The following CBX8 variants were observed in gnomAD, a reference collection of about 807,000 sequenced individuals.
CBX8 encodes the protein chromobox 8.
CBX8 carries 8 observed loss-of-function variants against 39.7 expected under a neutral mutation model. The observed-to-expected ratio is 0.20, with a 90% CI of 0.12 to 0.36. The LOEUF (loss-of-function observed/expected upper bound fraction) is 0.36. Ranked by LOEUF, CBX8 falls within the 10% of genes least tolerant of loss-of-function variation. The pLI, the probability that CBX8 is intolerant of heterozygous loss-of-function variation, is 1.00. For synonymous variants in CBX8, 268 were observed against 219.8 expected, an observed-to-expected ratio of 1.22 and a Z score of -1.94; for missense variants, 505 against 529.6, an observed-to-expected ratio of 0.95 and a Z score of 0.46.
rs759779387 is a variant in CBX8, at chr17:79,795,413, G to A, written c.392C>T (p.Pro131Leu). ...REGLRNMGLSPPASSTSTSST... is the reference protein window; with the variant it reads ...REGLRNMGLSLPASSTSTSST... Reference sequence around the variant, plus strand: ...GCTGGTGCTGGTGCTGCTCGCTGGCGGGGACAAACCCATGTTTCGAAGGCC... The same window carrying A: ...GCTGGTGCTGGTGCTGCTCGCTGGCAGGGACAAACCCATGTTTCGAAGGCC... Residue 131 changes from proline (P) to leucine (L), a missense_variant, in exon 5 of 5, where the codon CCG (proline) becomes CTG (leucine). Physicochemically the swap from Pro to Leu is moderately conservative, Grantham distance 98. This residue lies in a region of CBX8 where 456 missense variants were observed against 389.2 expected (regional missense o/e 1.17). Transcript: ENST00000269385. The surrounding 1 kb of genome is among the most constrained non-coding windows in gnomAD (Gnocchi z 5.8). 8 of 1,604,088 alleles carry A rather than the reference G, an allele frequency of 5.0e-6. No individual in the cohort carries two copies. The South Asian group carries it at 6.7e-5, about 13-fold the overall frequency.
At position 79,793,303 on chromosome 17, in the gene CBX8, A is replaced by G. The variant is rs1907944557; in HGVS notation, c.*1332T>C. 1 of 152,090 alleles carries G rather than the reference A, an allele frequency of 6.6e-6. No homozygotes were observed. The highest frequency in any genetic ancestry group is 1.5e-5 in the Non-Finnish European group (1 of 68,006). 9.4% of individuals were successfully genotyped at this position (152,090 alleles called of 1,614,324 possible). On this transcript the variant is annotated 3_prime_UTR_variant, in exon 5 of 5. Coordinates refer to ENST00000269385, the MANE Select transcript of CBX8 (RefSeq NM_020649.3). ...TGCGAATCGAAAAGACCTATAAATT[A>G]TAGCTTTTGCTTTTAAGAAGGACGG...
In CBX8 at chr17:79,796,861, G is replaced by C. The variant is rs572924294; in HGVS notation, c.69+69C>G. 4.5e-4 allele frequency: 651 copies of C among 1,433,456 alleles called. 4 individuals carry two copies. The African/African-American group carries it at 8.4e-3, about 18-fold the overall frequency. The allele number at this position is 1,433,456 out of a possible 1,614,324, so 88.8% of individuals were successfully genotyped here. A position where few individuals can be genotyped will look rare whatever the true frequency, so the allele number is the denominator to read the frequency against. ...GGGGAAGGGAAGCTGGGCTGCAGCA[G>C]GGGGAGGGAACCCGGGCCGGGAGGG... On this transcript the variant is annotated intron_variant, in intron 1 of 4. Transcript: ENST00000269385.
At position 79,794,962 on chromosome 17, in the gene CBX8, C is replaced by A; in HGVS notation, c.843G>T (p.Pro281=). The A allele has an allele frequency of 6.2e-7, 1 of 1,604,800 alleles. No individual in the cohort carries two copies. The highest frequency in any genetic ancestry group is 1.1e-5 in the South Asian group (1 of 89,896). Residue 281 remains proline, a synonymous_variant, in exon 5 of 5, where the codon CCG becomes CCT. Transcript: ENST00000269385. ...ATGKLAVDTF[P]ARVIKHRAAF... ...CAGCCCTGTGCTTTATCACCCTGGCCGGGAAGGTGTCCACAGCCAGTTTGC... is the reference window on the plus strand; with the variant it reads ...CAGCCCTGTGCTTTATCACCCTGGCAGGGAAGGTGTCCACAGCCAGTTTGC...
chr17:79,794,477 G>A lies in CBX8; in HGVS notation c.*158C>T, dbSNP rs1470023373. On this transcript the variant is annotated 3_prime_UTR_variant, in exon 5 of 5. Coordinates refer to ENST00000269385, the MANE Select transcript of CBX8 (RefSeq NM_020649.3). Reference sequence around the variant, plus strand: ...AGATAATCTTTCCAACAAAAACTGAGGGGGAGGAAGGAGGGATGAAAGGGG... The same window carrying A: ...AGATAATCTTTCCAACAAAAACTGAAGGGGAGGAAGGAGGGATGAAAGGGG... 3.9e-6 allele frequency: 2 copies of A among 517,720 alleles called. No homozygotes were observed. The highest frequency in any genetic ancestry group is 2.9e-5 in the East Asian group (1 of 34,326). The allele number at this position is 517,720 out of a possible 1,614,324, so 32.1% of individuals were successfully genotyped here.
At position 79,796,916 on chromosome 17, in the gene CBX8, C is replaced by A; in HGVS notation, c.69+14G>T. 6.2e-7 allele frequency: 1 copy of A among 1,603,006 alleles called. No homozygotes were observed. The highest frequency in any genetic ancestry group is 8.5e-7 in the Non-Finnish European group (1 of 1,176,300). On this transcript the variant is annotated intron_variant, in intron 1 of 4. Coordinates refer to ENST00000269385, the MANE Select transcript of CBX8 (RefSeq NM_020649.3). The stretch of plus-strand genomic sequence containing the variant: ...GCCCGGCCGCACGGAGGCCCTAGGC[C>A]CGGGGGCACCTACTTTCCGTATGCG...
Position 79,796,171 on chromosome 17 carries a change from G to A in CBX8, c.180-48C>T, listed in dbSNP as rs765693845. 11 of 1,612,268 alleles carry A rather than the reference G, an allele frequency of 6.8e-6. No homozygotes were observed. The Admixed American group carries it at 1.7e-4, about 24-fold the overall frequency. Reference sequence around the variant, plus strand: ...AAGGGTGCGTGAGTAAAGAAAGCAAGTGGGACTCTAGTCCAGGCTGGAAAG... The same window carrying A: ...AAGGGTGCGTGAGTAAAGAAAGCAAATGGGACTCTAGTCCAGGCTGGAAAG... On this transcript the variant is annotated intron_variant, in intron 3 of 4. Transcript: ENST00000269385.
Position 79,795,384 on chromosome 17 carries a change from T to C in CBX8, c.421A>G (p.Thr141Ala). 6.2e-7 allele frequency: 1 copy of C among 1,600,058 alleles called. No homozygotes were observed. The highest frequency in any genetic ancestry group is 1.7e-5 in the Admixed American group (1 of 57,636). The change falls in exon 5 of 5, where the codon ACC (threonine) becomes GCC (alanine). Residue 141 changes from threonine (T) to alanine (A), a missense_variant. Thr to Ala is a moderately conservative substitution (Grantham distance 58). Transcript: ENST00000269385. This position sits in a 1 kb window ranked among gnomAD's most constrained non-coding sequence, Gnocchi z 5.8. The stretch of plus-strand genomic sequence containing the variant: ...TCCCGAGGGGCCTCTGCGCGGCAGG[T>C]GCTGCTGGTGCTGGTGCTGCTCGCT... ...PPASSTSTSS[T>A]CRAEAPRDRD...
rs1192344392 is a variant in CBX8, at chr17:79,792,877, C to A, written c.*1758G>T. On this transcript the variant is annotated 3_prime_UTR_variant, in exon 5 of 5. Coordinates refer to ENST00000269385, the MANE Select transcript of CBX8 (RefSeq NM_020649.3). ...CGAGGCTGGGGTTCCCTCCCAGCAC[C>A]CCCCACCCCACGCGAAGCTCCCCCA... is the stretch of plus-strand genomic sequence containing the variant. 1 of 151,978 alleles carries A rather than the reference C, an allele frequency of 6.6e-6. No homozygotes were observed. Among genetic ancestry groups the A allele is most frequent in the African/African-American group, 2.4e-5 (1 of 41,380 alleles). 9.4% of individuals were successfully genotyped at this position (151,978 alleles called of 1,614,324 possible).
Position 79,794,833 on chromosome 17 carries a change from C to T in CBX8, c.972G>A (p.Met324Ile), listed in dbSNP as rs1180448427. ...GGGAGGGCCTTCCCCCCTGGGCCCC[C>T]ATGTCCCGGTACAGGCCCCCCCCAG... ...PSSGGGLYRD[M>I]GAQGGRPSLI... The change falls in exon 5 of 5, where the codon ATG becomes ATA. Residue 324 changes from methionine to isoleucine, a missense_variant. Physicochemically the swap from Met to Ile is conservative, Grantham distance 10. Coordinates refer to ENST00000269385, the MANE Select transcript of CBX8 (RefSeq NM_020649.3). The T allele has an allele frequency of 1.2e-6, 2 of 1,609,596 alleles. No homozygotes were observed. The highest frequency in any genetic ancestry group is 3.3e-4 in the Middle Eastern group (2 of 5,974).
chr17:79,792,918 C>T lies in CBX8; in HGVS notation c.*1717G>A, dbSNP rs1181031916. 3 of 152,004 alleles carry T rather than the reference C, an allele frequency of 2.0e-5. No homozygotes were observed. The highest frequency in any genetic ancestry group is 7.2e-5 in the African/African-American group (3 of 41,396). 9.4% of individuals were successfully genotyped at this position (152,004 alleles called of 1,614,324 possible). A position where few individuals can be genotyped will look rare whatever the true frequency, so the allele number is the denominator to read the frequency against. Reference sequence around the variant, plus strand: ...AGCTCCCCCACCCCCGACTCCCCGCCTCGCTCCCCCCGAGTCTGTGCTTCC... The same window carrying T: ...AGCTCCCCCACCCCCGACTCCCCGCTTCGCTCCCCCCGAGTCTGTGCTTCC... On this transcript the variant is annotated 3_prime_UTR_variant, in exon 5 of 5. Coordinates refer to ENST00000269385, the MANE Select transcript of CBX8 (RefSeq NM_020649.3).
In CBX8 at chr17:79,795,045, G is replaced by A; in HGVS notation, c.760C>T (p.Gln254Ter). The A allele has an allele frequency of 6.2e-7, 1 of 1,607,434 alleles. No homozygotes were observed. The highest frequency in any genetic ancestry group is 8.5e-7 in the Non-Finnish European group (1 of 1,176,726). ...GHSVIQLARR[Q>*]DSDLVQCGVT... is the part of the protein sequence containing the mutation. ...CCACACTGCACCAGGTCCGAGTCCT[G>A]TCTTCGGGCCAGCTGGATCACACTG... Residue 254 changes from glutamine (Q) to a stop codon, truncating the protein, a stop_gained, in exon 5 of 5, where the codon CAG becomes TAG. Coordinates refer to ENST00000269385, the MANE Select transcript of CBX8 (RefSeq NM_020649.3). LOFTEE classifies it high-confidence loss of function. The surrounding 1 kb of genome is among the most constrained non-coding windows in gnomAD (Gnocchi z 5.8).
intron 2 of CBX8, 28 bp from the exon 3 acceptor site, chr17:79,796,343 T>C (rs781418937): frequency 6.2e-7 from 1 of 1,612,782 alleles, no homozygotes; most frequent in African/African-American, 1.3e-5. Flanking sequence ...GAAGTGGGCA[T>C]CAGTCCCAGG....
At position 79,793,781 on chromosome 17, in the gene CBX8, T is replaced by G. The variant is rs1381670592; in HGVS notation, c.*854A>C. 6.6e-6 allele frequency: 1 copy of G among 152,258 alleles called. No homozygotes were observed. The allele number at this position is 152,258 out of a possible 1,614,324, so 9.4% of individuals were successfully genotyped here. A position where few individuals can be genotyped will look rare whatever the true frequency, so the allele number is the denominator to read the frequency against. ...GCAATCCTCCCAATTTATCCTGGCA[T>G]TTCGGGAATGTAAACAGATTCGCTG... On this transcript the variant is annotated 3_prime_UTR_variant, in exon 5 of 5. Transcript: ENST00000269385.
chr17:79,796,386 T>G, intron 2 of CBX8, 71 bp from the exon 3 acceptor site: 2 of 1,594,306 alleles, frequency 1.3e-6, no homozygotes, highest in Non-Finnish European at 1.7e-6. Flanking sequence ...TGTGTGTGTG[T>G]GTAACTTTTC....
chr17:79,794,855 C>A lies in CBX8; in HGVS notation c.950G>T (p.Gly317Val), dbSNP rs4889891. ...VRHGSGPPSS[G>V]GGLYRDMGAQ... is the part of the protein sequence containing the mutation. ...CCCCATGTCCCGGTACAGGCCCCCC[C>A]CAGAGCTGGGGGGGCCTGAGCCATG... is the stretch of plus-strand genomic sequence containing the variant. Residue 317 changes from glycine to valine, a missense_variant, in exon 5 of 5, where the codon GGG becomes GTG. Around this residue, in one of 3 missense-constraint regions of CBX8, gnomAD observed 456 missense variants for 389.2 expected, o/e 1.17. Coordinates refer to ENST00000269385, the MANE Select transcript of CBX8 (RefSeq NM_020649.3). 822,866 of 1,608,472 alleles carry A rather than the reference C, an allele frequency of 0.51. 215,838 individuals are homozygous for A. The highest frequency in any genetic ancestry group is 0.78 in the African/African-American group (58,580 of 74,674).
rs890877003 is a variant in CBX8 at position 79,792,310 on chromosome 17, A to T, written c.*2325T>A. ...GCGCACACACCCTGCGCGGTTGCAG[A>T]CTCCCAGCCACGTGGCCCCCGGCCC... On this transcript the variant is annotated 3_prime_UTR_variant, in exon 5 of 5. Coordinates refer to ENST00000269385, the MANE Select transcript of CBX8 (RefSeq NM_020649.3). The T allele has an allele frequency of 6.6e-6, 1 of 152,022 alleles. No homozygotes were observed. The highest frequency in any genetic ancestry group is 2.4e-5 in the African/African-American group (1 of 41,354). The allele number at this position is 152,022 out of a possible 1,614,324, so 9.4% of individuals were successfully genotyped here. A position where few individuals can be genotyped will look rare whatever the true frequency, so the allele number is the denominator to read the frequency against.
In CBX8 at chr17:79,792,646, T is replaced by A. The variant is rs566185753; in HGVS notation, c.*1989A>T. The A allele has an allele frequency of 1.3e-5, 2 of 152,344 alleles. No homozygotes were observed. Among genetic ancestry groups the A allele is most frequent in the East Asian group, 3.9e-4 (2 of 5,192 alleles). The allele number at this position is 152,344 out of a possible 1,614,324, so 9.4% of individuals were successfully genotyped here. A position where few individuals can be genotyped will look rare whatever the true frequency, so the allele number is the denominator to read the frequency against. ...TCGACATTTAAATAGATACACTCGG[T>A]CAACGGCGCTTCTTTATACAAAGTC... On this transcript the variant is annotated 3_prime_UTR_variant, in exon 5 of 5. Transcript: ENST00000269385.
Position 79,796,960 on chromosome 17 carries a change from G to C in CBX8, c.39C>G (p.Ala13=), listed in dbSNP as rs1250467249. The C allele has an allele frequency of 2.5e-6, 4 of 1,610,828 alleles. No individual in the cohort carries two copies. Among genetic ancestry groups the C allele is most frequent in the East Asian group, 2.2e-5 (1 of 44,666 alleles). ...LSAVGERVFA[A]EALLKRRIRK... ...GTATGCGCCGCTTCAGGAGGGCTTC[G>C]GCCGCGAACACCCGCTCCCCCACCG... The change falls in exon 1 of 5, where the codon GCC becomes GCG. Residue 13 remains alanine (A), a synonymous_variant. Coordinates refer to ENST00000269385, the MANE Select transcript of CBX8 (RefSeq NM_020649.3).
chr17:79,796,806 C>A, intron 1 of CBX8, 124 bp downstream of exon 1: 2 of 954,396 alleles, frequency 2.1e-6, no homozygotes, highest in Non-Finnish European at 3.0e-6. Flanking sequence ...CCGCCGCCGC[C>A]GCCACGGCCG....
Sources: allele counts gnomAD v4.1 joint callset, GRCh38; gene constraint gnomAD v4.1.1; regional missense constraint gnomAD v4.1.1; non-coding constraint Gnocchi (gnomAD v3.1); transcripts MANE v1.5; gene names NCBI Gene and HGNC (gene_info 2026-07-23, HGNC 2026-07-21).